The following BIRC6 variants were observed in gnomAD, a reference collection of about 807,000 sequenced individuals.
BIRC6 encodes the protein baculoviral IAP repeat containing 6.
In BIRC6, 98 loss-of-function variants were observed where a neutral mutation model predicts 503.3. The ratio of observed to expected loss-of-function variants is 0.19; its 90% CI spans 0.17 to 0.23. The LOEUF is 0.23. Among genes scored for constraint, BIRC6 ranks in the 10% least tolerant of loss-of-function variants. The pLI is 1.00. For synonymous variants in BIRC6, 2,240 were observed against 2,078.7 expected, an observed-to-expected ratio of 1.08 and a Z score of -2.11; for missense variants, 5,360 against 5,806.0, an observed-to-expected ratio of 0.92 and a Z score of 2.50.
intron 73 of BIRC6, among the ~76,000 whole-genome samples, chr2:32,613,152 C>T (rs1250397537): frequency 6.6e-6 from 1 of 151,636 alleles, no homozygotes; most frequent in Non-Finnish European, 1.5e-5. Context: ...CATATTTCAG[C>T]TTAAATTTCA....
intron 8 of BIRC6, among the ~76,000 whole-genome samples, chr2:32,405,425 C>T (rs948484485): frequency 5.9e-5 from 9 of 152,216 alleles, no homozygotes; most frequent in Admixed American, 1.3e-4. Context: ...TTCCCCCAGC[C>T]GCCGCAAAAT....
intron 66 of BIRC6, among the ~76,000 whole-genome samples, chr2:32,592,116 A>G (rs901117908): frequency 2.0e-5 from 3 of 152,202 alleles, no homozygotes; most frequent in African/African-American, 7.2e-5. Flanking sequence ...GACGTACACT[A>G]TACTCTCCTT....
At chr2:32,570,776 G>A (rs576873742) in intron 65 of BIRC6, among the ~76,000 whole-genome samples, 1 of 152,212 alleles carries the variant, frequency 6.6e-6, no homozygotes, top group Non-Finnish European at 1.5e-5. Flanking sequence ...TGGAGTTACA[G>A]GTGTGAGCCA....
At chr2:32,439,746 A>C in intron 16 of BIRC6, 60 bp downstream of exon 16, 1 of 1,470,826 alleles carries the variant, frequency 6.8e-7, no homozygotes, top group South Asian at 1.2e-5. Context: ...GATCAGATTT[A>C]ACACACTATT....
At chr2:32,413,945 T>TTTGTACATG (rs2042157781) in intron 9 of BIRC6, among the ~76,000 whole-genome samples, 1 of 152,146 alleles carries the variant, frequency 6.6e-6, no homozygotes, top group Non-Finnish European at 1.5e-5. Flanking sequence ...GGCAAAAAAG[T>TTTGTACATG]TTGTACATGT....
At chr2:32,391,371 G>A (rs2039206788) in intron 4 of BIRC6, among the ~76,000 whole-genome samples, 1 of 152,148 alleles carries the variant, frequency 6.6e-6, no homozygotes, top group Non-Finnish European at 1.5e-5. Flanking sequence ...TGCTACTGCT[G>A]TTTTATTGGG....
Position 32,437,983 on chromosome 2 carries a change from A to G in BIRC6, c.3632-1525A>G, listed in dbSNP as rs2044924670. Among the ~76,000 whole-genome samples, 4 of 152,322 alleles carry G rather than the reference A, an allele frequency of 2.6e-5. No homozygotes were observed. The South Asian group carries it at 8.3e-4, about 32-fold the overall frequency. ...AAAATTTTTTATTTTTTAGAGACAC[A>G]GTCTCCCTGTGTTGCCCAGGCTGGT... On this transcript the variant is annotated intron_variant, in intron 15 of 73. Transcript: ENST00000421745.
At chr2:32,403,922 G>T (rs1410338415) in intron 8 of BIRC6, among the ~76,000 whole-genome samples, 1 of 139,356 alleles carries the variant, frequency 7.2e-6, no homozygotes, top group Non-Finnish European at 1.5e-5. Context: ...TTTAAAATGT[G>T]TGTGTGTTTT....
At chr2:32,544,515 T>C (rs2057915215) in intron 62 of BIRC6, among the ~76,000 whole-genome samples, 1 of 150,610 alleles carries the variant, frequency 6.6e-6, no homozygotes, top group African/African-American at 2.4e-5. Context: ...CATTTTCACT[T>C]ACTATTTATT....
Position 32,502,859 on chromosome 2 carries a change from C to G in BIRC6, c.9272C>G (p.Thr3091Ser), listed in dbSNP as rs778102062. 5 of 1,612,346 alleles carry G rather than the reference C, an allele frequency of 3.1e-6. No individual in the cohort carries two copies. Among genetic ancestry groups the G allele is most frequent in the Non-Finnish European group, 4.2e-6 (5 of 1,179,206 alleles). Residue 3091 changes from threonine to serine, a missense_variant, in exon 48 of 74, where the codon ACT (threonine) becomes AGT (serine). Transcript: ENST00000421745. The part of the protein sequence containing the change: ...LLWFILRVLD[T>S]SDALKAFHDM... ...TGGTTCATTTTGAGAGTATTGGATA[C>G]TAGTGATGCCTTGAAAGCATTTCAT... is the stretch of plus-strand genomic sequence containing the variant.
intron 33 of BIRC6, among the ~76,000 whole-genome samples, chr2:32,473,662 AT>A (rs2049348453): frequency 7.6e-6 from 1 of 131,648 alleles, no homozygotes; most frequent in Non-Finnish European, 1.6e-5. Flanking sequence ...TAGCTTCCAG[AT>A]TTTAATTTTG....
chr2:32,479,036 A>C (rs2050084404), intron 36 of BIRC6, among the ~76,000 whole-genome samples: 1 of 152,186 alleles, frequency 6.6e-6, no homozygotes, highest in South Asian at 2.1e-4. Flanking sequence ...GGCTTTAGAA[A>C]GGCTTTGGGT....
intron 45 of BIRC6, 48 bp from the exon 46 acceptor site, chr2:32,499,499 A>ATC (rs753708377): frequency 3.8e-4 from 471 of 1,234,330 alleles, no homozygotes; most frequent in Non-Finnish European, 4.4e-4. Flanking sequence ...CTCTTGTTGT[A>ATC]TCTCTCTCTC....
At chr2:32,449,065 T>A in intron 22 of BIRC6, 137 bp downstream of exon 22, 1 of 752,662 alleles carries the variant, frequency 1.3e-6, no homozygotes, top group Non-Finnish European at 2.0e-6. Context: ...TATGAATTAT[T>A]AAAATGTTTC....
Position 32,470,271 on chromosome 2 carries a change from C to T in BIRC6, c.6451C>T (p.Pro2151Ser). The T allele has an allele frequency of 1.3e-6, 2 of 1,574,926 alleles. No homozygotes were observed. The highest frequency in any genetic ancestry group is 1.7e-6 in the Non-Finnish European group (2 of 1,158,628). Residue 2151 changes from proline (P) to serine (S), a missense_variant, in exon 31 of 74, where the codon CCA becomes TCA. Physicochemically the swap from Pro to Ser is moderately conservative, Grantham distance 74. Around this residue, in one of 16 missense-constraint regions of BIRC6, gnomAD observed 2,299 missense variants for 2,267.2 expected, o/e 1.01. Transcript: ENST00000421745. The stretch of plus-strand genomic sequence containing the variant: ...GGATAATTTATTGTCACCTCTTCAG[C>T]CACAGTTACCCATGCATAGGAGGAC... Reference protein sequence around the residue: ...LLDNLLSPLQPQLPMHRRTEG... With the variant: ...LLDNLLSPLQSQLPMHRRTEG...
At chr2:32,396,082 G>C (rs1378052060) in intron 6 of BIRC6, among the ~76,000 whole-genome samples, 1 of 151,990 alleles carries the variant, frequency 6.6e-6, no homozygotes, top group Non-Finnish European at 1.5e-5. Context: ...CTATTCTGAG[G>C]TCTTATTAAT....
rs746808591 is a variant in BIRC6 at position 32,467,680 on chromosome 2, A to G, written c.5512A>G (p.Ser1838Gly). The G allele has an allele frequency of 5.0e-6, 8 of 1,613,928 alleles. No individual in the cohort carries two copies. Among genetic ancestry groups the G allele is most frequent in the South Asian group, 1.1e-5 (1 of 91,072 alleles). The part of the protein sequence containing the change: ...GRRLVVATDI[S>G]THSLILHDLI... Reference sequence around the variant, plus strand: ...GCGGTTGGTAGTGGCAACTGATATAAGCACTCATTCACTAATTCTTCATGA... The same window carrying G: ...GCGGTTGGTAGTGGCAACTGATATAGGCACTCATTCACTAATTCTTCATGA... The change falls in exon 27 of 74, where the codon AGC becomes GGC. Residue 1838 changes from serine (S) to glycine (G), a missense_variant. Coordinates refer to ENST00000421745, the MANE Select transcript of BIRC6 (RefSeq NM_016252.4).
chr2:32,366,563 A>C (rs964053005), intron 1 of BIRC6, among the ~76,000 whole-genome samples: 2 of 152,128 alleles, frequency 1.3e-5, no homozygotes, highest in African/African-American at 4.8e-5. Flanking sequence ...ATAGAACTTA[A>C]AAAAATAATA....
At chr2:32,363,069 G>T (rs922928061) in intron 1 of BIRC6, among the ~76,000 whole-genome samples, 13 of 152,306 alleles carry the variant, frequency 8.5e-5, no homozygotes, top group African/African-American at 3.1e-4. Context: ...TGTGGCTCAT[G>T]CCTGGGGTCC....
Sources: gnomAD v4.1 joint callset for allele counts (sites outside exome capture counted in the v4.1 genomes callset) on GRCh38, gnomAD v4.1.1 for gene constraint, gnomAD v4.1.1 regional missense constraint, MANE v1.5 for transcripts, NCBI Gene and HGNC (gene_info 2026-07-23, HGNC 2026-07-21) for gene names.